Variants in ZBTB20 observed in about 807,000 individuals in gnomAD.
ZBTB20 encodes the protein zinc finger and BTB domain-containing protein 20.
A neutral mutation model predicts 56.9 loss-of-function variants in ZBTB20; 9 were observed. That is an observed-to-expected ratio of 0.16 (90% CI 0.10 to 0.28). The LOEUF is 0.28. ZBTB20 is among the 10% of genes least tolerant of loss of function. ZBTB20 has a pLI of 1.00. For missense variants in ZBTB20, 655 were observed against 1,003.0 expected (o/e 0.65, Z 4.69); for synonymous variants, 417 against 420.7 (o/e 0.99, Z 0.11).
chr3:114,922,414 C>G (rs1014143349), intron 3 of ZBTB20, among the ~76,000 whole-genome samples: 1 of 151,586 alleles, frequency 6.6e-6, no homozygotes, highest in Non-Finnish European at 1.5e-5. Context: ...GTAGAAAAAC[C>G]CTGAAGACTG....
At chr3:114,802,481 T>C (rs1044138609) in intron 4 of ZBTB20, among the ~76,000 whole-genome samples, 2 of 151,666 alleles carry the variant, frequency 1.3e-5, no homozygotes, top group Non-Finnish European at 2.9e-5. Context: ...AGATTAGATT[T>C]AAAAAAAATC....
At chr3:114,466,306 G>A (rs956666270) in intron 7 of ZBTB20, among the ~76,000 whole-genome samples, 1 of 152,084 alleles carries the variant, frequency 6.6e-6, no homozygotes, top group African/African-American at 2.4e-5. Context: ...AACATCTAAG[G>A]TAGGCATCAT....
In ZBTB20 at chr3:114,835,587, T is replaced by A. The variant is rs527489191; in HGVS notation, c.-416-34413A>T. Among the ~76,000 whole-genome samples the A allele has an allele frequency of 2.2e-3, 331 of 152,238 alleles. 2 individuals carry two copies. Among genetic ancestry groups the A allele is most frequent in the Non-Finnish European group, 3.7e-3 (252 of 68,012 alleles). ...TATAATACGCCAGTTCATAATAGTA[T>A]CTCAAAATGCACAGTAGTTGCAATA... is the stretch of plus-strand genomic sequence containing the variant. On this transcript the variant is annotated intron_variant, in intron 4 of 11. Transcript: ENST00000675478.
chr3:114,483,797 G>C (rs2041816641), intron 7 of ZBTB20, among the ~76,000 whole-genome samples: 1 of 152,038 alleles, frequency 6.6e-6, no homozygotes, highest in Admixed American at 6.5e-5. Flanking sequence ...TTATTTGGGG[G>C]AATTATGATG....
intron 1 of ZBTB20, among the ~76,000 whole-genome samples, chr3:115,144,013 G>T (rs930253261): frequency 1.3e-5 from 2 of 152,016 alleles, no homozygotes; most frequent in African/African-American, 4.8e-5. Flanking sequence ...GCTCCACAAG[G>T]GCAGGCAATT....
intron 6 of ZBTB20, among the ~76,000 whole-genome samples, chr3:114,543,383 A>G (rs544287637): frequency 2.0e-5 from 3 of 152,226 alleles, no homozygotes; most frequent in East Asian, 3.9e-4. Context: ...GTCTCTCCCT[A>G]TGTTAAAGCA....
At chr3:114,354,606 G>T in intron 10 of ZBTB20, among the ~76,000 whole-genome samples, 1 of 106,462 alleles carries the variant, frequency 9.4e-6, no homozygotes, top group Non-Finnish European at 1.8e-5. Context: ...TTTTTTGACA[G>T]AGTCTTGCTC....
chr3:114,453,968 G>C (rs1397984071), intron 7 of ZBTB20, among the ~76,000 whole-genome samples: 1 of 117,090 alleles, frequency 8.5e-6, no homozygotes, highest in Non-Finnish European at 1.6e-5. Context: ...TTGTTCTCTA[G>C]TGAAAATGCT....
In ZBTB20 at chr3:114,333,006, A is replaced by G. The variant is rs981515529; in HGVS notation, c.*5999T>C. The G allele has an allele frequency of 6.6e-6, 1 of 152,260 alleles. No homozygotes were observed. The highest frequency in any genetic ancestry group is 2.4e-5 in the African/African-American group (1 of 41,460). The allele number at this position is 152,260 out of a possible 1,614,324, so 9.4% of individuals were successfully genotyped here. A position where few individuals can be genotyped will look rare whatever the true frequency, so the allele number is the denominator to read the frequency against. On this transcript the variant is annotated 3_prime_UTR_variant, in exon 12 of 12. Coordinates refer to ENST00000675478, the MANE Select transcript of ZBTB20 (RefSeq NM_001348800.3). ...TCTAAAAAGGATGGAAACAAGCCCT[A>G]CTGTTCCATAACCATTCCCAGGGAT...
intron 3 of ZBTB20, chr3:114,931,163 G>T: frequency 5.1e-6 from 1 of 196,410 alleles, no homozygotes; most frequent in East Asian, 1.2e-4. Context: ...GCTAACAACT[G>T]GGGTGCAGGA....
rs548163446 is a variant in ZBTB20, at chr3:114,443,217, A to G, written c.-254-54112T>C. On this transcript the variant is annotated intron_variant, in intron 7 of 11. Coordinates refer to ENST00000675478, the MANE Select transcript of ZBTB20 (RefSeq NM_001348800.3). ...GAGGGAATCTATAAATGTAATGAAT[A>G]CACAATTGGCTTATAACAGATGCAA... 5.3e-5 allele frequency among the ~76,000 whole-genome samples: 8 copies of G among 152,346 alleles called. No homozygotes were observed. In the South Asian group the frequency reaches 1.7e-3, roughly 32 times the overall value.
At chr3:114,396,549 G>A (rs1461488933) in intron 7 of ZBTB20, among the ~76,000 whole-genome samples, 1 of 152,216 alleles carries the variant, frequency 6.6e-6, no homozygotes, top group South Asian at 2.1e-4. Context: ...ACTCAGGAAA[G>A]GTACAGTTAT....
In ZBTB20 at chr3:114,827,181, T is replaced by A. The variant is rs528936672; in HGVS notation, c.-416-26007A>T. On this transcript the variant is annotated intron_variant, in intron 4 of 11. Coordinates refer to ENST00000675478, the MANE Select transcript of ZBTB20 (RefSeq NM_001348800.3). ...AGCTTTAACTAACTTATAGCTAAGA[T>A]CAGGCTTGCTTTGTAAACATCTCTC... Among the ~76,000 whole-genome samples, 4 of 151,918 alleles carry A rather than the reference T, an allele frequency of 2.6e-5. No homozygotes were observed. In the South Asian group the frequency reaches 8.3e-4, roughly 31 times the overall value.
chr3:114,627,866 A>G (rs1407344134), intron 6 of ZBTB20, among the ~76,000 whole-genome samples: 1 of 152,084 alleles, frequency 6.6e-6, no homozygotes, highest in Non-Finnish European at 1.5e-5. Flanking sequence ...GAATTCTTCT[A>G]TGTTCCAGGC....
intron 6 of ZBTB20, among the ~76,000 whole-genome samples, chr3:114,594,527 T>C (rs1054299332): frequency 6.6e-6 from 1 of 152,018 alleles, no homozygotes; most frequent in Non-Finnish European, 1.5e-5. Context: ...GGCCTCCCAA[T>C]ATATTATTAA....
intron 5 of ZBTB20, among the ~76,000 whole-genome samples, chr3:114,770,269 T>A (rs1057227648): frequency 6.6e-6 from 1 of 151,812 alleles, no homozygotes; most frequent in African/African-American, 2.4e-5. Context: ...TGAAACCCTG[T>A]CTGTAGTAAA....
At chr3:115,055,187 A>ATCTCTCTCTCTCTCTCTCTCTCTCTCTC (rs58480744) in intron 2 of ZBTB20, among the ~76,000 whole-genome samples, 8 of 103,184 alleles carry the variant, frequency 7.8e-5, no homozygotes, top group East Asian at 2.7e-4. Context: ...CCTCCTGGTA[A>ATCTCTCTCTCTCTCTCTCTCTCTCTCTC]TCTCTCTCTC....
chr3:114,924,003 A>G (rs981089179), intron 3 of ZBTB20, among the ~76,000 whole-genome samples: 1 of 152,222 alleles, frequency 6.6e-6, no homozygotes, highest in Non-Finnish European at 1.5e-5. Context: ...GGAAATGCAC[A>G]TCAAAACTAC....
intron 11 of ZBTB20, among the ~76,000 whole-genome samples, chr3:114,344,367 C>A (rs937655550): frequency 1.3e-5 from 2 of 152,152 alleles, no homozygotes; most frequent in African/African-American, 4.8e-5. Context: ...TCTTGAAGGT[C>A]ATCTAAGAAG....
Sources: allele counts gnomAD v4.1 joint callset (sites outside exome capture counted in the v4.1 genomes callset), GRCh38; gene constraint gnomAD v4.1.1; transcripts MANE v1.5; gene names NCBI Gene and HGNC (gene_info 2026-07-23, HGNC 2026-07-21).